Variants in SCGB2A1 observed in about 807,000 individuals in gnomAD.
The protein encoded by SCGB2A1 is mammaglobin-B.
A neutral mutation model predicts 9.2 loss-of-function variants in SCGB2A1; 6 were observed. The observed-to-expected ratio is 0.66, with a 90% CI of 0.36 to 1.29. The LOEUF (loss-of-function observed/expected upper bound fraction) is 1.29. Among genes scored for constraint, SCGB2A1 ranks in the 50% most tolerant of loss-of-function variants. The pLI, the probability that SCGB2A1 is intolerant of heterozygous loss-of-function variation, is 0.03. For synonymous variants in SCGB2A1, 37 were observed against 41.0 expected (o/e 0.90, Z 0.37); for missense variants, 138 against 116.9 (o/e 1.18, Z -0.83).
chr11:62,210,471 T>TG lies in SCGB2A1; in HGVS notation c.114_115insG (p.Ile39AspfsTer3). 6.3e-7 allele frequency: 1 copy of TG among 1,583,624 alleles called. No homozygotes were observed. The highest frequency in any genetic ancestry group is 8.6e-7 in the Non-Finnish European group (1 of 1,166,158). ...AAAAGACCATCAATTCCGACATATC[T>TG]ATACCTGAATACAAAGAGCTTCTTC... On this transcript the variant is annotated frameshift_variant, in exon 2 of 3. Coordinates refer to ENST00000244930, the MANE Select transcript of SCGB2A1 (RefSeq NM_002407.3). LOFTEE classifies it high-confidence loss of function.
chr11:62,208,859 C>A, intron 1 of SCGB2A1, 73 bp downstream of exon 1: 1 of 1,458,618 alleles, frequency 6.9e-7, no homozygotes, highest in East Asian at 2.3e-5. Context: ...GAACTCCCAA[C>A]CTCTAATCCC....
chr11:62,212,358 A>G (rs1413729449), intron 2 of SCGB2A1, among the ~76,000 whole-genome samples: 1 of 151,930 alleles, frequency 6.6e-6, no homozygotes, highest in Non-Finnish European at 1.5e-5. Context: ...CAGATTAGCC[A>G]GGTGCATCCC....
At chr11:62,209,925 T>G (rs560922849) in intron 1 of SCGB2A1, among the ~76,000 whole-genome samples, 3 of 152,318 alleles carry the variant, frequency 2.0e-5, no homozygotes, top group Admixed American at 6.5e-5. Flanking sequence ...TTCGCCTGCC[T>G]TGGCCTCCCT....
Position 62,213,855 on chromosome 11 carries a change from G to A in SCGB2A1, c.*85G>A, listed in dbSNP as rs2276426. The A allele has an allele frequency of 9.6e-5, 115 of 1,195,918 alleles. No individual in the cohort carries two copies. The East Asian group carries it at 1.5e-3, about 16-fold the overall frequency. The allele number at this position is 1,195,918 out of a possible 1,614,324, so 74.1% of individuals were successfully genotyped here. On this transcript the variant is annotated 3_prime_UTR_variant, in exon 3 of 3. Coordinates refer to ENST00000244930, the MANE Select transcript of SCGB2A1 (RefSeq NM_002407.3). ...TTGCTAGAAACCACTTTTCTTTCTT[G>A]TGTTGTCTTTTTATGTGGAAACTGC...
intron 2 of SCGB2A1, among the ~76,000 whole-genome samples, chr11:62,211,698 C>A (rs1193162757): frequency 1.3e-5 from 2 of 151,706 alleles, no homozygotes; most frequent in Non-Finnish European, 2.9e-5. Context: ...CTGCTCCCGG[C>A]CTAAAATAAA....
intron 2 of SCGB2A1, among the ~76,000 whole-genome samples, chr11:62,212,686 A>G (rs1273248599): frequency 2.6e-5 from 4 of 151,964 alleles, no homozygotes; most frequent in Non-Finnish European, 5.9e-5. Context: ...AACCCCTCAG[A>G]TTAATCATTC....
chr11:62,213,029 T>C (rs892941661), intron 2 of SCGB2A1, among the ~76,000 whole-genome samples: 2 of 53,806 alleles, frequency 3.7e-5, no homozygotes, highest in African/African-American at 1.2e-4. Flanking sequence ...TATACATATA[T>C]ACACACATAT....
At chr11:62,211,208 G>T (rs1944828622) in intron 2 of SCGB2A1, among the ~76,000 whole-genome samples, 1 of 151,962 alleles carries the variant, frequency 6.6e-6, no homozygotes. Context: ...ACAGGTCTGA[G>T]CCCCCGCACC....
Position 62,208,687 on chromosome 11 carries a change from G to A in SCGB2A1, c.-45G>A. ...TACTCACCTCCACAGCAACTTCCTT[G>A]ATCCCTGCCACGCACGACTGAACAC... On this transcript the variant is annotated 5_prime_UTR_variant, in exon 1 of 3. Transcript: ENST00000244930. The A allele has an allele frequency of 1.2e-6, 2 of 1,607,430 alleles. No individual in the cohort carries two copies. The highest frequency in any genetic ancestry group is 1.7e-4 in the Middle Eastern group (1 of 6,046).
chr11:62,208,699 G>A lies in SCGB2A1; in HGVS notation c.-33G>A, dbSNP rs376279942. On this transcript the variant is annotated 5_prime_UTR_variant, in exon 1 of 3. Transcript: ENST00000244930. The stretch of plus-strand genomic sequence containing the variant: ...CAGCAACTTCCTTGATCCCTGCCAC[G>A]CACGACTGAACACAGACAGCAGCCG... 141 of 1,611,736 alleles carry A rather than the reference G, an allele frequency of 8.7e-5. No individual in the cohort carries two copies. The African/African-American group carries it at 1.2e-3, about 14-fold the overall frequency.
In SCGB2A1 at chr11:62,210,482, A is replaced by T; in HGVS notation, c.125A>T (p.Tyr42Phe). The change falls in exon 2 of 3, where the codon TAC becomes TTC. Residue 42 changes from tyrosine to phenylalanine, a missense_variant. Transcript: ENST00000244930. ...TINSDISIPE[Y>F]KELLQEFIDS... is the part of the protein sequence containing the mutation. ...AATTCCGACATATCTATACCTGAATACAAAGAGCTTCTTCAAGAGTTCATA... is the reference window on the plus strand; with the variant it reads ...AATTCCGACATATCTATACCTGAATTCAAAGAGCTTCTTCAAGAGTTCATA... The T allele has an allele frequency of 6.3e-7, 1 of 1,597,696 alleles. No individual in the cohort carries two copies. Among genetic ancestry groups the T allele is most frequent in the South Asian group, 1.2e-5 (1 of 85,110 alleles).
chr11:62,210,726 C>G, intron 2 of SCGB2A1, 126 bp downstream of exon 2: 1 of 682,044 alleles, frequency 1.5e-6, no homozygotes, highest in Non-Finnish European at 2.3e-6. Context: ...ATTCATTAAA[C>G]TTTGTCTCCA....
In SCGB2A1 at chr11:62,210,422, G is replaced by A; in HGVS notation, c.65G>A (p.Cys22Tyr). ...TTTTTTTTTTTTCCAGATTCTGGCTGCAAACTCCTGGAGGACATGGTTGAA... is the reference window on the plus strand; with the variant it reads ...TTTTTTTTTTTTCCAGATTCTGGCTACAAACTCCTGGAGGACATGGTTGAA... ...LLLHCYADSG[C>Y]KLLEDMVEKT... is the part of the protein sequence containing the mutation. The change falls in exon 2 of 3, where the codon TGC (cysteine) becomes TAC (tyrosine). Residue 22 changes from cysteine (C) to tyrosine (Y), a missense_variant. Transcript: ENST00000244930. 1 of 1,348,268 alleles carries A rather than the reference G, an allele frequency of 7.4e-7. No individual in the cohort carries two copies. The highest frequency in any genetic ancestry group is 2.5e-5 in the Admixed American group (1 of 40,406). The allele number at this position is 1,348,268 out of a possible 1,614,324, so 83.5% of individuals were successfully genotyped here.
intron 2 of SCGB2A1, among the ~76,000 whole-genome samples, chr11:62,211,696 G>A (rs951571852): frequency 1.3e-5 from 2 of 151,782 alleles, no homozygotes; most frequent in Admixed American, 6.6e-5. Context: ...CACTGCTCCC[G>A]GCCTAAAATA....
intron 2 of SCGB2A1, among the ~76,000 whole-genome samples, chr11:62,213,087 T>TACACAC (rs367585318): frequency 5.0e-5 from 6 of 119,228 alleles, no homozygotes; most frequent in South Asian, 2.6e-4. Flanking sequence ...TACACATATA[T>TACACAC]ACACATATAT....
Position 62,210,569 on chromosome 11 carries a change from A to G in SCGB2A1, c.212A>G (p.His71Arg). 2 of 1,562,506 alleles carry G rather than the reference A, an allele frequency of 1.3e-6. No homozygotes were observed. The highest frequency in any genetic ancestry group is 2.2e-5 in the Admixed American group (1 of 46,402). The change falls in exon 2 of 3, where the codon CAT becomes CGT. Residue 71 changes from histidine to arginine, a missense_variant. Coordinates refer to ENST00000244930, the MANE Select transcript of SCGB2A1 (RefSeq NM_002407.3). ...AAGCAGTGTTTCCTCAACCAGTCACATAGAACTCTGAAAAACTTTGGACTG... is the reference window on the plus strand; with the variant it reads ...AAGCAGTGTTTCCTCAACCAGTCACGTAGAACTCTGAAAAACTTTGGACTG... ...KFKQCFLNQS[H>R]RTLKNFGLMM...
chr11:62,210,649 C>G (rs765719857), intron 2 of SCGB2A1, 49 bp downstream of exon 2: 1 of 1,387,452 alleles, frequency 7.2e-7, no homozygotes, highest in African/African-American at 1.5e-5. Context: ...CTGATCAGAA[C>G]CAGCGGGCTC....
intron 1 of SCGB2A1, among the ~76,000 whole-genome samples, chr11:62,209,320 C>G (rs10897237): frequency 0.39 from 58,911 of 151,980 alleles, 12,606 homozygotes; most frequent in East Asian, 0.79. Flanking sequence ...TGAGAACTCA[C>G]AACCCCTGGA....
intron 1 of SCGB2A1, among the ~76,000 whole-genome samples, chr11:62,209,865 AG>A (rs1267289795): frequency 6.6e-6 from 1 of 152,034 alleles, no homozygotes; most frequent in Non-Finnish European, 1.5e-5. Context: ...TGTAGAGATG[AG>A]GTCTCCCTGT....
Sources: gnomAD v4.1 joint callset for allele counts (sites outside exome capture counted in the v4.1 genomes callset) on GRCh38, gnomAD v4.1.1 for gene constraint, MANE v1.5 for transcripts, NCBI Gene and HGNC (gene_info 2026-07-23, HGNC 2026-07-21) for gene names.